Variants in WDPCP observed in about 807,000 individuals in gnomAD.
WDPCP encodes WD repeat-containing and planar cell polarity effector protein fritz homolog.
WDPCP carries 71 observed loss-of-function variants against 93.1 expected under a neutral mutation model. That is an observed-to-expected ratio of 0.76 (90% CI 0.63 to 0.93). The LOEUF (loss-of-function observed/expected upper bound fraction) is 0.93, where lower values mean the gene tolerates loss of function less well. Ranked by LOEUF, WDPCP falls within the 40% of genes least tolerant of loss-of-function variation. The probability of loss-of-function intolerance (pLI) is 0.00; values close to 1 mark genes in which losing one functional copy is unlikely to be tolerated. For synonymous variants in WDPCP, 315 were observed against 315.0 expected (o/e 1.00, Z 0.00); for missense variants, 844 against 887.4 (o/e 0.95, Z 0.62).
rs1222124641 is a variant in WDPCP at position 63,601,341 on chromosome 2, C to G, written n.488+49318G>C. ...TTCAGAGGCCTTAGCGACTTAGGGA[C>G]TGTTTAACACCTGCAGAACTTGCCT... On this transcript the variant is annotated intron_variant and non_coding_transcript_variant, in intron 3 of 4. Transcript: ENST00000467687. Among the ~76,000 whole-genome samples the G allele has an allele frequency of 2.0e-5, 3 of 152,336 alleles. No homozygotes were observed. In the East Asian group the frequency reaches 5.8e-4, roughly 29 times the overall value.
chr2:63,232,264 G>A (rs996434751), intron 14 of WDPCP, among the ~76,000 whole-genome samples: 2 of 152,164 alleles, frequency 1.3e-5, no homozygotes, highest in African/African-American at 4.8e-5. Context: ...TCAGACCATA[G>A]GCATGGCCAA....
chr2:63,830,319 G>T (rs955997470), upstream of WDPCP, among the ~76,000 whole-genome samples: 11 of 151,814 alleles, frequency 7.2e-5, no homozygotes, highest in South Asian at 1.0e-3. Flanking sequence ...TCTCATTACT[G>T]GGATCTCATG....
chr2:63,490,803 A>G (rs1700833628), intron 2 of WDPCP, among the ~76,000 whole-genome samples: 1 of 152,172 alleles, frequency 6.6e-6, no homozygotes, highest in Non-Finnish European at 1.5e-5. Context: ...AAGGGGATCA[A>G]GATGGAATAG....
In WDPCP at chr2:63,433,772, G is replaced by A. The variant is rs746884820; in HGVS notation, c.798C>T (p.Leu266=). 2.5e-6 allele frequency: 4 copies of A among 1,613,478 alleles called. No individual in the cohort carries two copies. The highest frequency in any genetic ancestry group is 1.7e-5 in the Admixed American group (1 of 59,940). ...CTAGTCTTCCTTGAGCATAACCCAG[G>A]AGGAGTAGATTGGCTCTGTCCTTCT... ...SSEKDRANLL[L]LGYAQGRLEV... The change falls in exon 9 of 18, where the codon CTC becomes CTT. Residue 266 remains leucine (L), a synonymous_variant. Coordinates refer to ENST00000272321, the MANE Select transcript of WDPCP (RefSeq NM_015910.7).
chr2:63,373,050 G>A (rs1036861319), intron 12 of WDPCP, among the ~76,000 whole-genome samples: 1 of 152,036 alleles, frequency 6.6e-6, no homozygotes, highest in African/African-American at 2.4e-5. Flanking sequence ...TTGAACCTGG[G>A]AGGCGGAGGT....
intron 1 of WDPCP, among the ~76,000 whole-genome samples, chr2:63,507,589 A>C (rs895231113): frequency 6.6e-6 from 1 of 152,070 alleles, no homozygotes; most frequent in African/African-American, 2.4e-5. Flanking sequence ...TTAGTCTGAC[A>C]AACTGACAGA....
At chr2:63,493,018 G>C in intron 1 of WDPCP, 78 bp from the exon 2 acceptor site, 1 of 1,219,304 alleles carries the variant, frequency 8.2e-7, no homozygotes, top group East Asian at 2.4e-5. Context: ...CTTAGAAATA[G>C]TAAAAAGAAT....
chr2:63,749,514 G>A lies in WDPCP; in HGVS notation n.308+64108C>T, dbSNP rs557217618. Among the ~76,000 whole-genome samples the A allele has an allele frequency of 1.9e-3, 288 of 152,054 alleles. 1 individual carries two copies. The highest frequency in any genetic ancestry group is 3.4e-3 in the Middle Eastern group (1 of 292). On this transcript the variant is annotated intron_variant and non_coding_transcript_variant, in intron 2 of 4. Coordinates refer to the WDPCP transcript ENST00000467687. ...ATTCTGTTTTTCATATTCGATACAC[G>A]AGTTAATAAATTACATAAAATATTC...
rs1354331808 is a variant in WDPCP, at chr2:63,313,867, TATATATATATATATATATA to T, written c.1749-575_1749-557del. On this transcript the variant is annotated intron_variant, in intron 12 of 17. Transcript: ENST00000272321. ...AATTATTCATACATATATATATATA[TATATATATATATATATATA>T]TTTTTTTTTTTTTGGAGATGGAGTC... is the stretch of plus-strand genomic sequence containing the variant. Among the ~76,000 whole-genome samples, 5 of 45,414 alleles carry T rather than the reference TATATATATATATATATATA, an allele frequency of 1.1e-4. 1 individual carries two copies. Among genetic ancestry groups the T allele is most frequent in the Non-Finnish European group, 1.0e-4 (2 of 20,026 alleles). The allele number at this position is 45,414 out of a possible 152,430, so 29.8% of individuals were successfully genotyped here.
rs13404844 is a variant in WDPCP, at chr2:63,454,793, A to C, written c.385-14922T>G. Among the ~76,000 whole-genome samples, 130 of 152,288 alleles carry C rather than the reference A, an allele frequency of 8.5e-4. No homozygotes were observed. The Middle Eastern group carries it at 0.01, about 12-fold the overall frequency. ...ACTGTCTAAAGTCATTAACAAAGAG[A>C]AAATTCTAAAAACAGCAGCAGAAAA... On this transcript the variant is annotated intron_variant, in intron 6 of 17. Transcript: ENST00000272321.
At chr2:63,215,928 T>C (rs944010921) in intron 14 of WDPCP, among the ~76,000 whole-genome samples, 2 of 152,212 alleles carry the variant, frequency 1.3e-5, no homozygotes, top group African/African-American at 4.8e-5. Flanking sequence ...AAAGAAGACA[T>C]TTATGCAGCC....
chr2:63,158,954 T>G (rs925168414), intron 15 of WDPCP, among the ~76,000 whole-genome samples: 1 of 112,318 alleles, frequency 8.9e-6, no homozygotes, highest in Non-Finnish European at 1.7e-5. Context: ...CTGGGTAACA[T>G]GGTAAAACCT....
intron 1 of WDPCP, among the ~76,000 whole-genome samples, chr2:63,579,262 T>A (rs960345168): frequency 2.0e-5 from 3 of 152,204 alleles, no homozygotes; most frequent in Non-Finnish European, 4.4e-5. Flanking sequence ...TCAAAGATCA[T>A]CTGTCTTGAT....
At chr2:63,195,754 A>G (rs560462160) in intron 14 of WDPCP, among the ~76,000 whole-genome samples, 1 of 152,344 alleles carries the variant, frequency 6.6e-6, no homozygotes, top group South Asian at 2.1e-4. Flanking sequence ...TGAATTCAAA[A>G]AAACATGTAG....
intron 2 of WDPCP, among the ~76,000 whole-genome samples, chr2:63,673,446 GT>G (rs1281573079): frequency 1.3e-5 from 2 of 152,284 alleles, no homozygotes; most frequent in African/African-American, 4.8e-5. Flanking sequence ...TTCTGAGCAA[GT>G]TTTGGCCAGG....
intron 13 of WDPCP, among the ~76,000 whole-genome samples, chr2:63,263,333 G>A (rs576734450): frequency 2.6e-5 from 4 of 152,182 alleles, no homozygotes; most frequent in African/African-American, 7.2e-5. Context: ...TGGAAGGTGG[G>A]GCCCTTAAGA....
At chr2:63,618,981 G>A (rs541136608) in intron 3 of WDPCP, among the ~76,000 whole-genome samples, 4 of 152,288 alleles carry the variant, frequency 2.6e-5, no homozygotes, top group Admixed American at 6.5e-5. Context: ...GAGCCACTGC[G>A]TCCAGCCTGG....
At chr2:63,806,404 G>C (rs1045780924) in intron 2 of WDPCP, among the ~76,000 whole-genome samples, 1 of 152,160 alleles carries the variant, frequency 6.6e-6, no homozygotes, top group African/African-American at 2.4e-5. Flanking sequence ...TACTTTACAA[G>C]GTAATAGAAT....
intron 12 of WDPCP, among the ~76,000 whole-genome samples, chr2:63,326,630 GAGAC>G (rs1558473399): frequency 1.3e-5 from 2 of 150,712 alleles, no homozygotes; most frequent in African/African-American, 4.9e-5. Flanking sequence ...AAGAGACAGA[GAGAC>G]AGAGAGAGAG....
Sources: gnomAD v4.1 joint callset for allele counts (sites outside exome capture counted in the v4.1 genomes callset) on GRCh38, gnomAD v4.1.1 for gene constraint, MANE v1.5 for transcripts, NCBI Gene and HGNC (gene_info 2026-07-23, HGNC 2026-07-21) for gene names.